The following MOB3B variants were observed in gnomAD, a reference collection of about 807,000 sequenced individuals.
MOB3B encodes MOB kinase activator 3B.
A neutral mutation model predicts 18.7 loss-of-function variants in MOB3B; 7 were observed. The ratio of observed to expected loss-of-function variants is 0.37; its 90% CI spans 0.21 to 0.70. The LOEUF is 0.70. Ranked by LOEUF, MOB3B falls within the 30% of genes least tolerant of loss-of-function variation. The pLI is 0.52. For synonymous variants in MOB3B, 111 were observed against 99.9 expected, an observed-to-expected ratio of 1.11 and a Z score of -0.66; for missense variants, 253 against 281.3, an observed-to-expected ratio of 0.90 and a Z score of 0.72.
intron 2 of MOB3B, among the ~76,000 whole-genome samples, chr9:27,433,128 A>C (rs1427490672): frequency 6.6e-6 from 1 of 151,976 alleles, no homozygotes; most frequent in African/African-American, 2.4e-5. Flanking sequence ...ATGAAGATAC[A>C]TATTTGATAT....
rs181378874 is a variant in MOB3B, at chr9:27,501,156, G to A, written c.-199+28399C>T. On this transcript the variant is annotated intron_variant, in intron 1 of 3. Transcript: ENST00000262244. ...GAATGCTATTACACTGTTGGTGGGA[G>A]TTTAAACTAGTTCAACAATTGTGGA... is the stretch of plus-strand genomic sequence containing the variant. Among the ~76,000 whole-genome samples the A allele has an allele frequency of 3.9e-5, 6 of 152,296 alleles. No homozygotes were observed. The East Asian group carries it at 1.2e-3, about 29-fold the overall frequency.
chr9:27,463,421 T>C (rs78624733), intron 1 of MOB3B, among the ~76,000 whole-genome samples: 6 of 152,068 alleles, frequency 3.9e-5, no homozygotes, highest in East Asian at 3.9e-4. Context: ...CTTTAGACAG[T>C]TGGGTAGTTA....
intron 2 of MOB3B, among the ~76,000 whole-genome samples, chr9:27,444,663 T>C (rs1172204245): frequency 6.6e-6 from 1 of 152,208 alleles, no homozygotes; most frequent in Non-Finnish European, 1.5e-5. Flanking sequence ...CTTAAAAAAC[T>C]CTGTAGCTTT....
rs569983565 is a variant in MOB3B at position 27,386,075 on chromosome 9, T to G, written c.419-26839A>C. Among the ~76,000 whole-genome samples, 44 of 152,362 alleles carry G rather than the reference T, an allele frequency of 2.9e-4. No individual in the cohort carries two copies. In the South Asian group the frequency reaches 5.2e-3, roughly 18 times the overall value. ...CAAGCCATCCTGCTGCTGCTTTTCC[T>G]TGGGCTTATGATAGTCATAGGCAGG... On this transcript the variant is annotated intron_variant, in intron 2 of 3. Transcript: ENST00000262244.
intron 2 of MOB3B, among the ~76,000 whole-genome samples, chr9:27,406,560 A>G (rs911417039): frequency 7.9e-5 from 12 of 152,208 alleles, no homozygotes; most frequent in African/African-American, 2.9e-4. Context: ...ATGCAACAGA[A>G]TAGATAATCC....
In MOB3B at chr9:27,327,158, A is replaced by G. The variant is rs1226766061; in HGVS notation, c.*3429T>C. 6.6e-6 allele frequency: 1 copy of G among 152,168 alleles called. No individual in the cohort carries two copies. Among genetic ancestry groups the G allele is most frequent in the Non-Finnish European group, 1.5e-5 (1 of 68,046 alleles). The allele number at this position is 152,168 out of a possible 1,614,324, so 9.4% of individuals were successfully genotyped here. A position where few individuals can be genotyped will look rare whatever the true frequency, so the allele number is the denominator to read the frequency against. ...GGGATGAATGCTTTGCTAGTGCTAT[A>G]TCATCTGACTGCAATGCTTATAATA... On this transcript the variant is annotated 3_prime_UTR_variant, in exon 4 of 4. Coordinates refer to ENST00000262244, the MANE Select transcript of MOB3B (RefSeq NM_024761.5).
chr9:27,472,678 TAAAAAAAAAAAAAAA>T (rs56092176), intron 1 of MOB3B, among the ~76,000 whole-genome samples: 2 of 98,910 alleles, frequency 2.0e-5, no homozygotes, highest in Admixed American at 1.1e-4. Context: ...CACTTTATTC[TAAAAAAAAAAAAAAA>T]AAAAAAAAAA....
intron 2 of MOB3B, among the ~76,000 whole-genome samples, chr9:27,443,073 C>T (rs1039137608): frequency 2.6e-5 from 4 of 152,130 alleles, no homozygotes; most frequent in Non-Finnish European, 4.4e-5. Context: ...GATTTCTGGG[C>T]CACTTCCAGA....
At chr9:27,387,841 A>C (rs1233608141) in intron 2 of MOB3B, among the ~76,000 whole-genome samples, 1 of 152,208 alleles carries the variant, frequency 6.6e-6, no homozygotes, top group African/African-American at 2.4e-5. Flanking sequence ...AGGACAGTAC[A>C]TTAAATGGAG....
chr9:27,390,855 C>T (rs186092755), intron 2 of MOB3B, among the ~76,000 whole-genome samples: 1 of 152,216 alleles, frequency 6.6e-6, no homozygotes, highest in East Asian at 1.9e-4. Context: ...GGGATTATTA[C>T]CCTTATAAAA....
intron 1 of MOB3B, among the ~76,000 whole-genome samples, chr9:27,467,007 T>C (rs528940237): frequency 6.6e-6 from 1 of 152,308 alleles, no homozygotes; most frequent in African/African-American, 2.4e-5. Flanking sequence ...AGCTAGATGA[T>C]TTCTCATTTT....
rs1042735899 is a variant in MOB3B, at chr9:27,327,191, G to C, written c.*3396C>G. ...ACTGCAATGCTTATAATATTTTGGG[G>C]ATCCTGGGCCTCCTTGAGAACATTA... On this transcript the variant is annotated 3_prime_UTR_variant, in exon 4 of 4. Transcript: ENST00000262244. 2.6e-5 allele frequency: 4 copies of C among 152,218 alleles called. No homozygotes were observed. The highest frequency in any genetic ancestry group is 5.9e-5 in the Non-Finnish European group (4 of 68,022). The allele number at this position is 152,218 out of a possible 1,614,324, so 9.4% of individuals were successfully genotyped here. A position where few individuals can be genotyped will look rare whatever the true frequency, so the allele number is the denominator to read the frequency against.
intron 2 of MOB3B, among the ~76,000 whole-genome samples, chr9:27,382,819 G>A (rs1469432716): frequency 6.6e-6 from 1 of 151,944 alleles, no homozygotes; most frequent in Non-Finnish European, 1.5e-5. Context: ...AACTGCCAGT[G>A]CTTCCCTCTC....
At chr9:27,340,471 G>A (rs1423633443) in intron 3 of MOB3B, among the ~76,000 whole-genome samples, 1 of 152,222 alleles carries the variant, frequency 6.6e-6, no homozygotes. Context: ...ATGGGTTACG[G>A]ACACATGGTG....
At chr9:27,396,495 A>C (rs1384907207) in intron 2 of MOB3B, among the ~76,000 whole-genome samples, 3 of 152,170 alleles carry the variant, frequency 2.0e-5, no homozygotes, top group Non-Finnish European at 4.4e-5. Context: ...AGTCAGAGTC[A>C]GTTTCTGTTG....
intron 1 of MOB3B, among the ~76,000 whole-genome samples, chr9:27,470,182 G>A (rs1177758315): frequency 1.3e-5 from 2 of 151,170 alleles, no homozygotes; most frequent in African/African-American, 4.9e-5. Context: ...GAGAGATGTA[G>A]ATATAGATAT....
At chr9:27,412,911 G>A (rs189465976) in intron 2 of MOB3B, among the ~76,000 whole-genome samples, 240 of 152,322 alleles carry the variant, frequency 1.6e-3, no homozygotes, top group African/African-American at 5.5e-3. Context: ...CGTCACAGTT[G>A]ATAGGAACAT....
chr9:27,332,167 G>C (rs985556860), intron 3 of MOB3B, among the ~76,000 whole-genome samples: 5 of 152,070 alleles, frequency 3.3e-5, no homozygotes, highest in Non-Finnish European at 7.4e-5. Context: ...TAGTTTTTAA[G>C]TTTGTTGTAT....
At chr9:27,461,530 A>G (rs542058540) in intron 1 of MOB3B, among the ~76,000 whole-genome samples, 2 of 152,378 alleles carry the variant, frequency 1.3e-5, no homozygotes, top group East Asian at 3.9e-4. Flanking sequence ...CTTCAAAGAT[A>G]TGCATGGTTT....
Sources: gnomAD v4.1 joint callset for allele counts (sites outside exome capture counted in the v4.1 genomes callset) on GRCh38, gnomAD v4.1.1 for gene constraint, MANE v1.5 for transcripts, NCBI Gene and HGNC (gene_info 2026-07-23, HGNC 2026-07-21) for gene names.